CTDSPL2: variants seen among roughly 807,000 people sequenced by gnomAD.
The protein encoded by CTDSPL2 is CTD small phosphatase-like protein 2.
A neutral mutation model predicts 60.0 loss-of-function variants in CTDSPL2; 5 were observed. The observed-to-expected ratio is 0.08, with a 90% CI of 0.04 to 0.18. CTDSPL2 has a LOEUF of 0.18. Ranked by LOEUF, CTDSPL2 falls within the 10% of genes least tolerant of loss-of-function variation. The probability of loss-of-function intolerance (pLI) is 1.00; values close to 1 mark genes in which losing one functional copy is unlikely to be tolerated. For missense variants in CTDSPL2, 370 were observed against 548.8 expected, an observed-to-expected ratio of 0.67 and a Z score of 3.26; for synonymous variants, 186 against 189.3, an observed-to-expected ratio of 0.98 and a Z score of 0.14.
chr15:44,495,121 G>A (rs2081276747), intron 5 of CTDSPL2, among the ~76,000 whole-genome samples: 1 of 152,064 alleles, frequency 6.6e-6, no homozygotes, highest in African/African-American at 2.4e-5. Flanking sequence ...ACAGGCATGT[G>A]CCACCATGCC....
Position 44,447,060 on chromosome 15 carries a change from T to G in CTDSPL2, c.-24-11931T>G, listed in dbSNP as rs561012492. On this transcript the variant is annotated intron_variant, in intron 1 of 12. Coordinates refer to ENST00000260327, the MANE Select transcript of CTDSPL2 (RefSeq NM_016396.3). ...TTTTGTTGGTTATAAATATATTATT[T>G]TCACATTGCAAGTTATTTATATTGA... is the stretch of plus-strand genomic sequence containing the variant. Among the ~76,000 whole-genome samples, 16 of 152,306 alleles carry G rather than the reference T, an allele frequency of 1.1e-4. No individual in the cohort carries two copies. The South Asian group carries it at 3.3e-3, about 32-fold the overall frequency.
intron 5 of CTDSPL2, among the ~76,000 whole-genome samples, chr15:44,495,417 C>T (rs1337702680): frequency 6.6e-6 from 1 of 151,860 alleles, no homozygotes; most frequent in African/African-American, 2.4e-5. Flanking sequence ...CCCGTCTCTA[C>T]TAAAAATACA....
At chr15:44,435,430 C>T (rs1595690268) in intron 1 of CTDSPL2, among the ~76,000 whole-genome samples, 1 of 151,710 alleles carries the variant, frequency 6.6e-6, no homozygotes, top group East Asian at 2.0e-4. Flanking sequence ...ATTAGGCGGG[C>T]ATGGTAGCGC....
intron 2 of CTDSPL2, among the ~76,000 whole-genome samples, chr15:44,473,603 A>G (rs1595734239): frequency 6.6e-6 from 1 of 151,898 alleles, no homozygotes; most frequent in African/African-American, 2.4e-5. Context: ...CCGTATCCCT[A>G]GATTTTCTTA....
intron 1 of CTDSPL2, among the ~76,000 whole-genome samples, chr15:44,436,154 G>A (rs1178502004): frequency 1.3e-5 from 2 of 152,116 alleles, no homozygotes; most frequent in Non-Finnish European, 2.9e-5. Context: ...ATGTCATTTG[G>A]TGTCAAAGAG....
intron 4 of CTDSPL2, 55 bp downstream of exon 4, chr15:44,486,755 T>TC: frequency 1.6e-6 from 2 of 1,216,080 alleles, no homozygotes; most frequent in Non-Finnish European, 2.3e-6. Context: ...ATGCATAGTT[T>TC]GGGTTTTTTT....
At chr15:44,459,294 C>T (rs1400163931) in intron 2 of CTDSPL2, 94 bp downstream of exon 2, 3 of 786,554 alleles carry the variant, frequency 3.8e-6, no homozygotes, top group East Asian at 3.1e-5. Flanking sequence ...TTGAGAGCCC[C>T]AGGCAGGTGG....
intron 10 of CTDSPL2, among the ~76,000 whole-genome samples, chr15:44,515,420 G>A (rs755591885): frequency 1.3e-5 from 2 of 152,094 alleles, no homozygotes; most frequent in Admixed American, 6.5e-5. Context: ...TGGGAGTGCC[G>A]TGGTGATTTT....
chr15:44,470,691 A>G (rs1031986887), intron 2 of CTDSPL2: 2 of 152,052 alleles, frequency 1.3e-5, no homozygotes, highest in Admixed American at 1.3e-4. Flanking sequence ...CAGATGATAC[A>G]CCAACCTTGG....
At chr15:44,516,173 G>T (rs2081651580) in intron 10 of CTDSPL2, among the ~76,000 whole-genome samples, 1 of 151,764 alleles carries the variant, frequency 6.6e-6, no homozygotes, top group African/African-American at 2.4e-5. Context: ...TCATCATATT[G>T]GCCAGGCTGG....
At position 44,488,900 on chromosome 15, in the gene CTDSPL2, G is replaced by A. The variant is rs573832727; in HGVS notation, c.476-1884G>A. 6.0e-4 allele frequency among the ~76,000 whole-genome samples: 91 copies of A among 152,322 alleles called. 1 individual carries two copies. Among genetic ancestry groups the A allele is most frequent in the Admixed American group, 1.2e-3 (18 of 15,292 alleles). ...GCTGAAGTAAAGAATCTCTGAAGGT[G>A]TGTATATCTCTGAAGGTGTGTACAG... On this transcript the variant is annotated intron_variant, in intron 4 of 12. Coordinates refer to ENST00000260327, the MANE Select transcript of CTDSPL2 (RefSeq NM_016396.3).
At position 44,484,254 on chromosome 15, in the gene CTDSPL2, A is replaced by G; in HGVS notation, c.217A>G (p.Arg73Gly). ...GAGAGAAAATCCTTCAAAACGGAGT[A>G]GAATTGAACGTGATATAGATAACAA... ...EERENPSKRS[R>G]IERDIDNNLI... The change falls in exon 3 of 13, where the codon AGA becomes GGA. Residue 73 changes from arginine to glycine, a missense_variant. Arg to Gly is a moderately radical substitution (Grantham distance 125, BLOSUM62 -2). Around this residue, in one of 6 missense-constraint regions of CTDSPL2, gnomAD observed 287 missense variants for 296.1 expected, o/e 0.97. Transcript: ENST00000260327. 6.2e-7 allele frequency: 1 copy of G among 1,612,354 alleles called. No homozygotes were observed. The highest frequency in any genetic ancestry group is 8.5e-7 in the Non-Finnish European group (1 of 1,178,992).
intron 2 of CTDSPL2, among the ~76,000 whole-genome samples, chr15:44,476,084 T>A (rs922636564): frequency 6.6e-6 from 1 of 152,168 alleles, no homozygotes; most frequent in Non-Finnish European, 1.5e-5. Context: ...TTTTTTTATT[T>A]TGAGATGGAG....
chr15:44,464,250 A>G (rs2080638099), intron 2 of CTDSPL2, among the ~76,000 whole-genome samples: 1 of 152,208 alleles, frequency 6.6e-6, no homozygotes, highest in African/African-American at 2.4e-5. Context: ...TAATAATTTA[A>G]GCCTTACAAA....
intron 8 of CTDSPL2, among the ~76,000 whole-genome samples, chr15:44,511,055 C>T (rs189501574): frequency 5.3e-5 from 8 of 152,310 alleles, no homozygotes; most frequent in African/African-American, 1.7e-4. Context: ...AACCCCAGCC[C>T]AGTACCTTTC....
chr15:44,514,834 C>G lies in CTDSPL2; in HGVS notation c.1102C>G (p.Gln368Glu), dbSNP rs765388649. Residue 368 changes from glutamine to glutamate, a missense_variant, in exon 10 of 13, where the codon CAA becomes GAA. Gln to Glu is a conservative substitution (Grantham distance 29). This residue lies in a region of CTDSPL2 where 46 missense variants were observed against 126.0 expected (regional missense o/e 0.37). Transcript: ENST00000260327. ...KLLNILDPKKQLVRHRLFREH... is the reference protein window; with the variant it reads ...KLLNILDPKKELVRHRLFREH... ...ACTGAACATACTAGACCCTAAAAAG[C>G]AACTGGTCAGGTAAATTTAATTAAG... 1 of 1,572,626 alleles carries G rather than the reference C, an allele frequency of 6.4e-7. No homozygotes were observed. The highest frequency in any genetic ancestry group is 1.4e-5 in the African/African-American group (1 of 73,616).
intron 1 of CTDSPL2, among the ~76,000 whole-genome samples, chr15:44,456,298 A>G (rs868365617): frequency 5.3e-5 from 8 of 152,136 alleles, no homozygotes; most frequent in African/African-American, 1.7e-4. Context: ...ATTGATTGTA[A>G]TAGTTTCAGA....
intron 1 of CTDSPL2, among the ~76,000 whole-genome samples, chr15:44,438,615 C>G (rs1216849387): frequency 1.3e-5 from 2 of 151,994 alleles, no homozygotes; most frequent in Non-Finnish European, 2.9e-5. Context: ...AGGAAAAATA[C>G]GGTAGGAAGA....
At chr15:44,495,830 G>A (rs1174274217) in intron 5 of CTDSPL2, among the ~76,000 whole-genome samples, 1 of 151,912 alleles carries the variant, frequency 6.6e-6, no homozygotes, top group Non-Finnish European at 1.5e-5. Context: ...TGCTCACAAG[G>A]CTGAGGCAGG....
Sources: gnomAD v4.1 joint callset for allele counts (sites outside exome capture counted in the v4.1 genomes callset) on GRCh38, gnomAD v4.1.1 for gene constraint, gnomAD v4.1.1 regional missense constraint, MANE v1.5 for transcripts, NCBI Gene and HGNC (gene_info 2026-07-23, HGNC 2026-07-21) for gene names.